Variants in CCDC82 observed in about 807,000 individuals in gnomAD.
The protein encoded by CCDC82 is coiled-coil domain containing 82.
In CCDC82, 47 loss-of-function variants were observed where a neutral mutation model predicts 60.6. That is an observed-to-expected ratio of 0.77 (90% CI 0.61 to 0.99). CCDC82 has a LOEUF of 0.99. Among genes scored for constraint, CCDC82 ranks in the 50% least tolerant of loss-of-function variants. The pLI, the probability that CCDC82 is intolerant of heterozygous loss-of-function variation, is 0.00. For synonymous variants in CCDC82, 212 were observed against 207.4 expected (o/e 1.02, Z -0.19); for missense variants, 588 against 633.0 (o/e 0.93, Z 0.76).
intron 8 of CCDC82, among the ~76,000 whole-genome samples, chr11:96,359,812 T>TC (rs569106824): frequency 1.7e-3 from 260 of 149,710 alleles, no homozygotes; most frequent in Non-Finnish European, 3.0e-3. Context: ...ACTTTTCTTT[T>TC]CCCCCCCCAA....
At chr11:96,387,000 T>C (rs570173433) in intron 2 of CCDC82, 1 of 152,380 alleles carries the variant, frequency 6.6e-6, no homozygotes, top group South Asian at 2.1e-4. Context: ...CTTACATTTT[T>C]AAGCTGTATA....
rs180849917 is a variant in CCDC82, at chr11:96,370,050, C to A, written c.1209+963G>T. 5.5e-4 allele frequency among the ~76,000 whole-genome samples: 84 copies of A among 152,276 alleles called. 1 individual carries two copies. Among genetic ancestry groups the A allele is most frequent in the African/African-American group, 2.0e-3 (83 of 41,568 alleles). On this transcript the variant is annotated intron_variant, in intron 7 of 9. Transcript: ENST00000646818. Reference sequence around the variant, plus strand: ...AAGTCAAAAACTCAATAGCCCTAAACTCAAGCCATCCTCCAACTTGAAGTC... The same window carrying A: ...AAGTCAAAAACTCAATAGCCCTAAAATCAAGCCATCCTCCAACTTGAAGTC...
At chr11:96,380,362 A>G (rs997720988) in intron 5 of CCDC82, among the ~76,000 whole-genome samples, 10 of 151,832 alleles carry the variant, frequency 6.6e-5, no homozygotes, top group Non-Finnish European at 1.2e-4. Flanking sequence ...ATAGAGCCGA[A>G]TGAGAAGCTG....
In CCDC82 at chr11:96,353,552, T is replaced by C. The variant is rs958110101; in HGVS notation, c.*94A>G. 6 of 982,900 alleles carry C rather than the reference T, an allele frequency of 6.1e-6. No homozygotes were observed. Among genetic ancestry groups the C allele is most frequent in the African/African-American group, 3.3e-5 (2 of 61,524 alleles). The allele number at this position is 982,900 out of a possible 1,614,324, so 60.9% of individuals were successfully genotyped here. ...AAATATTTTGCCATGAAGATATAGATAAAATGTACAAACATGTCACATGAT... is the reference window on the plus strand; with the variant it reads ...AAATATTTTGCCATGAAGATATAGACAAAATGTACAAACATGTCACATGAT... On this transcript the variant is annotated 3_prime_UTR_variant, in exon 10 of 10. Coordinates refer to ENST00000646818, the MANE Select transcript of CCDC82 (RefSeq NM_024725.4).
intron 6 of CCDC82, among the ~76,000 whole-genome samples, chr11:96,371,515 G>T (rs1256188958): frequency 6.6e-6 from 1 of 152,206 alleles, no homozygotes; most frequent in Non-Finnish European, 1.5e-5. Context: ...CCGGGAGGGG[G>T]AGCTTATAGT....
At chr11:96,377,035 C>G (rs1304544121) in intron 5 of CCDC82, among the ~76,000 whole-genome samples, 1 of 152,120 alleles carries the variant, frequency 6.6e-6, no homozygotes, top group Non-Finnish European at 1.5e-5. Flanking sequence ...TGTGGTCTTG[C>G]TAGTGGTAAA....
In CCDC82 at chr11:96,352,956, A is replaced by T. The variant is rs1864157934; in HGVS notation, c.*690T>A. On this transcript the variant is annotated 3_prime_UTR_variant, in exon 10 of 10. Transcript: ENST00000646818. ...ATAAAAATAAATAAAATACATCTTAATCATCAATATATAGACAAAATTGAA... is the reference window on the plus strand; with the variant it reads ...ATAAAAATAAATAAAATACATCTTATTCATCAATATATAGACAAAATTGAA... 6.6e-6 allele frequency: 1 copy of T among 152,214 alleles called. No homozygotes were observed. The highest frequency in any genetic ancestry group is 1.5e-5 in the Non-Finnish European group (1 of 68,030). 9.4% of individuals were successfully genotyped at this position (152,214 alleles called of 1,614,324 possible). A position where few individuals can be genotyped will look rare whatever the true frequency, so the allele number is the denominator to read the frequency against.
In CCDC82 at chr11:96,366,135, C is replaced by T. The variant is rs537000386; in HGVS notation, c.1210-985G>A. ...GCTTCTGCTATACCCCATGGAAGCACATGTTAAGATGAAACCTTTATCGAC... is the reference window on the plus strand; with the variant it reads ...GCTTCTGCTATACCCCATGGAAGCATATGTTAAGATGAAACCTTTATCGAC... On this transcript the variant is annotated intron_variant, in intron 7 of 9. Transcript: ENST00000646818. 1.1e-4 allele frequency among the ~76,000 whole-genome samples: 17 copies of T among 152,300 alleles called. No homozygotes were observed. In the South Asian group the frequency reaches 1.7e-3, roughly 15 times the overall value.
intron 9 of CCDC82, chr11:96,354,572 G>T (rs1356260508): frequency 1.3e-5 from 2 of 152,154 alleles, no homozygotes; most frequent in Non-Finnish European, 2.9e-5. Context: ...AACTAGTTAT[G>T]GGTCTGTGAT....
At chr11:96,371,971 C>T (rs914835240) in intron 6 of CCDC82, among the ~76,000 whole-genome samples, 5 of 152,102 alleles carry the variant, frequency 3.3e-5, no homozygotes, top group African/African-American at 1.2e-4. Context: ...ATTAATTTAA[C>T]TAATAAATTT....
intron 8 of CCDC82, among the ~76,000 whole-genome samples, chr11:96,360,446 C>T (rs1378298416): frequency 3.3e-5 from 5 of 151,762 alleles, no homozygotes; most frequent in African/African-American, 1.2e-4. Context: ...CTGCCCACCT[C>T]GGCCTCCCAA....
intron 8 of CCDC82, among the ~76,000 whole-genome samples, chr11:96,362,130 C>A (rs534087160): frequency 3.9e-5 from 6 of 152,270 alleles, no homozygotes; most frequent in Non-Finnish European, 7.4e-5. Context: ...ACAGCTATAT[C>A]ACATGGAGTG....
chr11:96,383,347 C>T lies in CCDC82; in HGVS notation c.913G>A (p.Gly305Ser). 1 of 1,606,384 alleles carries T rather than the reference C, an allele frequency of 6.2e-7. No individual in the cohort carries two copies. The highest frequency in any genetic ancestry group is 8.5e-7 in the Non-Finnish European group (1 of 1,175,118). Residue 305 changes from glycine to serine, a missense_variant, in exon 5 of 10, where the codon GGT (glycine) becomes AGT (serine). Physicochemically the swap from Gly to Ser is moderately conservative, Grantham distance 56 (BLOSUM62 0). Transcript: ENST00000646818. The stretch of plus-strand genomic sequence containing the variant: ...TGTTGGTTTTTATTCTCTTCATCAC[C>T]CTCCTCATCTTGCACTACAAAGTCA... ...IDDFVVQDEE[G>S]DEENKNQQGE...
At chr11:96,369,610 A>C (rs950158807) in intron 7 of CCDC82, among the ~76,000 whole-genome samples, 2 of 152,190 alleles carry the variant, frequency 1.3e-5, no homozygotes. Context: ...GGTTTCTGTC[A>C]CCCTCAAACA....
chr11:96,382,336 G>T (rs1865916524), intron 5 of CCDC82: 3 of 151,816 alleles, frequency 2.0e-5, no homozygotes, highest in South Asian at 4.1e-4. Flanking sequence ...AAACAATCAA[G>T]TTTTAAAGCA....
chr11:96,387,634 C>A (rs1366716006), intron 1 of CCDC82, 21 bp from the exon 2 acceptor site: 1 of 152,172 alleles, frequency 6.6e-6, no homozygotes, highest in Non-Finnish European at 1.5e-5. Flanking sequence ...CACATTTGTA[C>A]AAGATAGTAA....
At chr11:96,358,324 C>G in intron 9 of CCDC82, 1 of 1,199,006 alleles carries the variant, frequency 8.3e-7, no homozygotes, top group Non-Finnish European at 1.0e-6. Flanking sequence ...ATTCTAAAAG[C>G]TCTGTGAGCA....
chr11:96,358,882 G>T, intron 9 of CCDC82, 111 bp downstream of exon 9: 1 of 1,068,250 alleles, frequency 9.4e-7, no homozygotes, highest in Non-Finnish European at 1.4e-6. Context: ...ACAAACGACA[G>T]AAGAAAGAGA....
chr11:96,383,611 T>C (rs1222949338), intron 4 of CCDC82, 138 bp from the exon 5 acceptor site: 2 of 583,396 alleles, frequency 3.4e-6, no homozygotes, highest in Non-Finnish European at 2.8e-6. Flanking sequence ...TAAAAATAAA[T>C]AATTTTGTCA....
Sources: gnomAD v4.1 joint callset for allele counts (sites outside exome capture counted in the v4.1 genomes callset) on GRCh38, gnomAD v4.1.1 for gene constraint, MANE v1.5 for transcripts, NCBI Gene and HGNC (gene_info 2026-07-23, HGNC 2026-07-21) for gene names.